The following MAGI2 variants were observed in gnomAD, a reference collection of about 807,000 sequenced individuals.
The protein encoded by MAGI2 is membrane associated guanylate kinase, WW and PDZ domain containing 2, also known as membrane-associated guanylate kinase, WW and PDZ domain-containing protein 2.
A neutral mutation model predicts 133.3 loss-of-function variants in MAGI2; 35 were observed. The ratio of observed to expected loss-of-function variants is 0.26; its 90% CI spans 0.20 to 0.35. The LOEUF is 0.35. MAGI2 is among the 10% of genes least tolerant of loss of function. The probability of loss-of-function intolerance (pLI) is 1.00; values close to 1 mark genes in which losing one functional copy is unlikely to be tolerated. For synonymous variants in MAGI2, 729 were observed against 710.6 expected, an observed-to-expected ratio of 1.03 and a Z score of -0.41; for missense variants, 1,636 against 1,863.4, an observed-to-expected ratio of 0.88 and a Z score of 2.25.
At chr7:78,375,070 T>C (rs1365817115) in intron 6 of MAGI2, among the ~76,000 whole-genome samples, 6 of 152,138 alleles carry the variant, frequency 3.9e-5, no homozygotes, top group Non-Finnish European at 8.8e-5. Context: ...CTCCAACTCC[T>C]GACCTCAGGT....
intron 3 of MAGI2, among the ~76,000 whole-genome samples, chr7:78,528,865 A>T (rs1270157352): frequency 3.3e-5 from 5 of 152,242 alleles, no homozygotes; most frequent in Non-Finnish European, 5.9e-5. Flanking sequence ...TAAGAAAAAT[A>T]TACCAAATAG....
chr7:78,109,063 G>T (rs1434604939), intron 20 of MAGI2, among the ~76,000 whole-genome samples: 2 of 151,756 alleles, frequency 1.3e-5, no homozygotes, highest in African/African-American at 4.8e-5. Context: ...CCAGCACTTT[G>T]GGAGGCCGAG....
intron 2 of MAGI2, among the ~76,000 whole-genome samples, chr7:78,774,715 C>T (rs1007102360): frequency 6.6e-6 from 1 of 152,098 alleles, no homozygotes; most frequent in Admixed American, 6.5e-5. Context: ...AGGATAGACA[C>T]ACCTAAGCAT....
At chr7:78,690,713 A>T (rs1295208980) in intron 2 of MAGI2, among the ~76,000 whole-genome samples, 1 of 152,216 alleles carries the variant, frequency 6.6e-6, no homozygotes, top group Non-Finnish European at 1.5e-5. Context: ...TTCATTGACC[A>T]TAAGAGTAAA....
At chr7:78,307,243 C>A (rs532008854) in intron 9 of MAGI2, among the ~76,000 whole-genome samples, 1 of 152,132 alleles carries the variant, frequency 6.6e-6, no homozygotes, top group African/African-American at 2.4e-5. Context: ...TACATATTTT[C>A]ACTCCTATTA....
At chr7:78,996,967 AG>A (rs34620532) in intron 2 of MAGI2, among the ~76,000 whole-genome samples, 88,383 of 151,970 alleles carry the variant, frequency 0.58, 26,099 homozygotes, top group East Asian at 0.63. Context: ...CTGCTTAAAA[AG>A]GTTGTAACAA....
intron 1 of MAGI2, among the ~76,000 whole-genome samples, chr7:79,174,087 A>G (rs369638476): frequency 1.3e-5 from 2 of 152,156 alleles, no homozygotes; most frequent in South Asian, 4.1e-4. Context: ...AGACACTTTC[A>G]TTTCAGTTAT....
At chr7:78,562,823 T>G (rs1800547378) in intron 3 of MAGI2, among the ~76,000 whole-genome samples, 1 of 152,184 alleles carries the variant, frequency 6.6e-6, no homozygotes, top group South Asian at 2.1e-4. Flanking sequence ...TGCATCTCCC[T>G]AGAAGGGATT....
intron 3 of MAGI2, among the ~76,000 whole-genome samples, chr7:78,574,598 T>G (rs758268183): frequency 1.3e-5 from 2 of 152,218 alleles, no homozygotes; most frequent in African/African-American, 4.8e-5. Context: ...GTTTAACATA[T>G]AGTTAGATCT....
At chr7:78,707,827 A>G (rs985299129) in intron 2 of MAGI2, among the ~76,000 whole-genome samples, 1 of 152,146 alleles carries the variant, frequency 6.6e-6, no homozygotes, top group Non-Finnish European at 1.5e-5. Flanking sequence ...TTTTACTCTC[A>G]TAAATACCTT....
chr7:78,115,499 A>G (rs1819774650), intron 20 of MAGI2, among the ~76,000 whole-genome samples: 1 of 152,344 alleles, frequency 6.6e-6, no homozygotes, highest in East Asian at 1.9e-4. Context: ...AACGGTTAAA[A>G]GCAAAAGGAT....
chr7:78,606,873 T>G (rs12668335), intron 3 of MAGI2, among the ~76,000 whole-genome samples: 1 of 152,158 alleles, frequency 6.6e-6, no homozygotes, highest in Non-Finnish European at 1.5e-5. Flanking sequence ...CTGTTTTTCA[T>G]CTACATGGGC....
rs755672225 is a variant in MAGI2, at chr7:78,909,835, C to T, written c.418+97255G>A. On this transcript the variant is annotated intron_variant, in intron 2 of 21. Transcript: ENST00000354212. ...ATTCTACTATAAAGACACATGCACA[C>T]GTATGTTTATTGCAGCACTGTTTAC... Among the ~76,000 whole-genome samples, 9 of 152,168 alleles carry T rather than the reference C, an allele frequency of 5.9e-5. No individual in the cohort carries two copies. In the South Asian group the frequency reaches 1.2e-3, roughly 21 times the overall value.
Position 78,458,710 on chromosome 7 carries a change from G to C in MAGI2, c.1045+31051C>G, listed in dbSNP as rs1041814777. ...AGTGCAGTGGCACGATCTCGGCTCA[G>C]TGCAAGCTCCGCCTCCTGGGTTCAT... On this transcript the variant is annotated intron_variant, in intron 6 of 21. Transcript: ENST00000354212. Among the ~76,000 whole-genome samples the C allele has an allele frequency of 4.6e-5, 7 of 151,118 alleles. No homozygotes were observed. The East Asian group carries it at 5.9e-4, about 13-fold the overall frequency.
At chr7:78,276,213 G>C (rs1404174222) in intron 9 of MAGI2, among the ~76,000 whole-genome samples, 1 of 152,174 alleles carries the variant, frequency 6.6e-6, no homozygotes, top group East Asian at 1.9e-4. Context: ...TAAAATGCTT[G>C]AGTCAAGATA....
chr7:79,252,623 C>T (rs1356080542), intron 1 of MAGI2, among the ~76,000 whole-genome samples: 2 of 152,098 alleles, frequency 1.3e-5, no homozygotes, highest in Admixed American at 1.3e-4. Context: ...GTTTGTAACA[C>T]AACGAATGAA....
At chr7:78,990,885 T>G (rs1242767274) in intron 2 of MAGI2, among the ~76,000 whole-genome samples, 1 of 145,874 alleles carries the variant, frequency 6.9e-6, no homozygotes, top group African/African-American at 2.6e-5. Context: ...TTTACTGAAA[T>G]AAGAGATTTT....
intron 2 of MAGI2, among the ~76,000 whole-genome samples, chr7:78,800,254 G>T (rs189257341): frequency 6.6e-6 from 1 of 152,164 alleles, no homozygotes; most frequent in African/African-American, 2.4e-5. Context: ...GTGGTATTGG[G>T]CAAACAAAGC....
At chr7:78,073,166 A>C (rs1244023471) in intron 21 of MAGI2, among the ~76,000 whole-genome samples, 2 of 152,070 alleles carry the variant, frequency 1.3e-5, no homozygotes, top group African/African-American at 4.8e-5. Context: ...CTGTTTCTCC[A>C]ATTAGTGCAG....
Sources: allele counts gnomAD v4.1 joint callset (sites outside exome capture counted in the v4.1 genomes callset), GRCh38; gene constraint gnomAD v4.1.1; transcripts MANE v1.5; gene names NCBI Gene and HGNC (gene_info 2026-07-23, HGNC 2026-07-21).